ZMYM2: variants seen among roughly 807,000 people sequenced by gnomAD.
ZMYM2 encodes the protein zinc finger MYM-type protein 2.
A neutral mutation model predicts 162.8 loss-of-function variants in ZMYM2; 56 were observed. The observed-to-expected ratio is 0.34, with a 90% CI of 0.28 to 0.43. ZMYM2 has a LOEUF of 0.43. Among genes scored for constraint, ZMYM2 ranks in the 20% least tolerant of loss-of-function variants. The probability of loss-of-function intolerance (pLI) is 1.00; values close to 1 mark genes in which losing one functional copy is unlikely to be tolerated. For missense variants in ZMYM2, 1,275 were observed against 1,621.8 expected (o/e 0.79, Z 3.67); for synonymous variants, 510 against 541.6 (o/e 0.94, Z 0.81).
intron 21 of ZMYM2, among the ~76,000 whole-genome samples, chr13:20,075,260 G>A (rs1022197368): frequency 2.6e-5 from 4 of 152,092 alleles, no homozygotes; most frequent in Non-Finnish European, 4.4e-5. Context: ...ATTTTCTTCC[G>A]TATGTCTATG....
intron 2 of ZMYM2, among the ~76,000 whole-genome samples, chr13:19,982,896 T>G (rs572029099): frequency 6.6e-6 from 1 of 152,328 alleles, no homozygotes; most frequent in Non-Finnish European, 1.5e-5. Flanking sequence ...TTGAATTCTC[T>G]CCTATCTTCC....
chr13:19,956,406 G>T (rs933271209), upstream of ZMYM2, among the ~76,000 whole-genome samples: 2 of 152,086 alleles, frequency 1.3e-5, no homozygotes, highest in African/African-American at 4.8e-5. Flanking sequence ...GACATTTCAG[G>T]GATGTTGGAA....
the ZMYM2 span, among the ~76,000 whole-genome samples, chr13:19,887,734 C>G: frequency 6.6e-6 from 1 of 151,810 alleles, no homozygotes. Context: ...CCAAAGGTGA[C>G]CAATTCTTTT....
intron 4 of ZMYM2, among the ~76,000 whole-genome samples, chr13:20,003,636 T>G (rs1271822635): frequency 6.6e-6 from 1 of 151,896 alleles, no homozygotes; most frequent in Non-Finnish European, 1.5e-5. Context: ...TCTTTTTCTT[T>G]TCTTTTTTTT....
At chr13:19,945,818 G>C in the ZMYM2 span, among the ~76,000 whole-genome samples, 1 of 151,768 alleles carries the variant, frequency 6.6e-6, no homozygotes, top group Non-Finnish European at 1.5e-5. Flanking sequence ...GCATGGTTAC[G>C]CATACCTGTA....
the ZMYM2 span, among the ~76,000 whole-genome samples, chr13:19,940,508 A>T: frequency 6.6e-6 from 1 of 152,314 alleles, no homozygotes; most frequent in Non-Finnish European, 1.5e-5. Flanking sequence ...ACTTTCAGAG[A>T]TTGCTATATT....
chr13:19,877,611 C>T, the ZMYM2 span, among the ~76,000 whole-genome samples: 1 of 152,210 alleles, frequency 6.6e-6, no homozygotes, highest in South Asian at 2.1e-4. Flanking sequence ...AGACAATATC[C>T]AAACCATAGC....
At chr13:20,031,865 G>GTTTTTTTTTTTTTTTTTTTTTTTT (rs10642086) in intron 10 of ZMYM2, among the ~76,000 whole-genome samples, 2 of 130,276 alleles carry the variant, frequency 1.5e-5, no homozygotes, top group Non-Finnish European at 1.5e-5. Flanking sequence ...TTCTGTAATT[G>GTTTTTTTTTTTTTTTTTTTTTTTT]TTTTTTTTTT....
At chr13:20,063,950 A>T (rs1956475311) in intron 18 of ZMYM2, among the ~76,000 whole-genome samples, 1 of 33,972 alleles carries the variant, frequency 2.9e-5, no homozygotes, top group South Asian at 9.3e-4. Flanking sequence ...TATATATATA[A>T]TATATATAGT....
chr13:20,084,490 G>C (rs529199898), intron 24 of ZMYM2, among the ~76,000 whole-genome samples: 3 of 152,190 alleles, frequency 2.0e-5, no homozygotes, highest in Non-Finnish European at 4.4e-5. Context: ...ATGGCATGTG[G>C]CTGTGTTATA....
chr13:20,037,772 A>G (rs1953866166), intron 12 of ZMYM2, among the ~76,000 whole-genome samples: 1 of 152,182 alleles, frequency 6.6e-6, no homozygotes, highest in Non-Finnish European at 1.5e-5. Flanking sequence ...TCAGGGGTAC[A>G]TGTGCAGGTT....
At chr13:20,017,319 C>T (rs141590503) in intron 6 of ZMYM2, among the ~76,000 whole-genome samples, 256 of 152,326 alleles carry the variant, frequency 1.7e-3, no homozygotes, top group Non-Finnish European at 3.1e-3. Flanking sequence ...AGTAGAGGAG[C>T]TGTTGTCTTA....
chr13:19,943,047 G>A, the ZMYM2 span, among the ~76,000 whole-genome samples: 2 of 152,148 alleles, frequency 1.3e-5, no homozygotes, highest in African/African-American at 2.4e-5. Context: ...AAATCAAGGT[G>A]TTAGCTGGGC....
At chr13:19,909,880 A>G in the ZMYM2 span, among the ~76,000 whole-genome samples, 2 of 152,104 alleles carry the variant, frequency 1.3e-5, no homozygotes, top group Non-Finnish European at 2.9e-5. Flanking sequence ...GTAGGAATGA[A>G]TATGAAGGGC....
the ZMYM2 span, among the ~76,000 whole-genome samples, chr13:19,883,887 G>C: frequency 0.012 from 1,780 of 152,238 alleles, 30 homozygotes; most frequent in African/African-American, 0.041. Context: ...CTCCCGCGTA[G>C]CTGGGATTAC....
intron 14 of ZMYM2, among the ~76,000 whole-genome samples, chr13:20,056,959 A>G (rs1285001787): frequency 1.3e-5 from 2 of 148,714 alleles, no homozygotes; most frequent in Admixed American, 6.6e-5. Context: ...AATCACTGAC[A>G]CTGTCAACAA....
intron 12 of ZMYM2, 117 bp downstream of exon 12, chr13:20,037,026 G>T: frequency 1.1e-6 from 1 of 903,742 alleles, no homozygotes; most frequent in Non-Finnish European, 1.6e-6. Context: ...TTAAGGCCCA[G>T]CCCTGATAAT....
rs570797135 is a variant in ZMYM2 at position 20,051,080 on chromosome 13, T to C, written c.2293-353T>C. On this transcript the variant is annotated intron_variant, in intron 12 of 24. Transcript: ENST00000610343. Reference sequence around the variant, plus strand: ...CCGTTCATTACTCATAAATGTTCAATGTAATGATTGTAGGAGACAATTCTA... The same window carrying C: ...CCGTTCATTACTCATAAATGTTCAACGTAATGATTGTAGGAGACAATTCTA... 2.3e-4 allele frequency among the ~76,000 whole-genome samples: 35 copies of C among 152,178 alleles called. 1 individual carries two copies. The highest frequency in any genetic ancestry group is 4.0e-4 in the Non-Finnish European group (27 of 67,944).
intron 9 of ZMYM2, among the ~76,000 whole-genome samples, chr13:20,030,111 T>G (rs1159822678): frequency 6.6e-6 from 1 of 151,952 alleles, no homozygotes; most frequent in Non-Finnish European, 1.5e-5. Context: ...TTGTTTTAAC[T>G]TTAAAAAAAA....
Sources: gnomAD v4.1 joint callset for allele counts (sites outside exome capture counted in the v4.1 genomes callset) on GRCh38, gnomAD v4.1.1 for gene constraint, MANE v1.5 for transcripts, NCBI Gene and HGNC (gene_info 2026-07-23, HGNC 2026-07-21) for gene names.